Variants in DGKB observed in about 807,000 individuals in gnomAD.
DGKB encodes the protein diacylglycerol kinase beta.
In DGKB, 67 loss-of-function variants were observed where a neutral mutation model predicts 114.3. The observed-to-expected ratio is 0.59, with a 90% CI of 0.48 to 0.72. The LOEUF (loss-of-function observed/expected upper bound fraction) is 0.72. Among genes scored for constraint, DGKB ranks in the 30% least tolerant of loss-of-function variants. The pLI, the probability that DGKB is intolerant of heterozygous loss-of-function variation, is 0.00. For missense variants in DGKB, 907 were observed against 975.2 expected, an observed-to-expected ratio of 0.93 and a Z score of 0.93; for synonymous variants, 398 against 323.1, an observed-to-expected ratio of 1.23 and a Z score of -2.49.
intron 23 of DGKB, among the ~76,000 whole-genome samples, chr7:14,218,271 A>G (rs937795323): frequency 6.6e-6 from 1 of 152,108 alleles, no homozygotes; most frequent in Non-Finnish European, 1.5e-5. Context: ...CAGATCATAC[A>G]CTTGACCTCT....
chr7:14,484,464 G>A (rs370858551), intron 20 of DGKB, among the ~76,000 whole-genome samples: 37 of 152,198 alleles, frequency 2.4e-4, no homozygotes, highest in African/African-American at 8.9e-4. Flanking sequence ...CAATGGGTGA[G>A]TTCTCATGAG....
At chr7:14,269,468 T>G (rs888496218) in intron 23 of DGKB, among the ~76,000 whole-genome samples, 1 of 152,206 alleles carries the variant, frequency 6.6e-6, no homozygotes, top group African/African-American at 2.4e-5. Flanking sequence ...GAGGTGACAG[T>G]GTAACTAGTG....
intron 4 of DGKB, among the ~76,000 whole-genome samples, chr7:14,750,473 T>C (rs1474923140): frequency 1.3e-5 from 2 of 152,184 alleles, no homozygotes; most frequent in African/African-American, 2.4e-5. Context: ...TTGGGTCGTA[T>C]ACCTGAAATG....
At chr7:14,639,260 G>C (rs1811302611) in intron 13 of DGKB, among the ~76,000 whole-genome samples, 1 of 152,078 alleles carries the variant, frequency 6.6e-6, no homozygotes, top group South Asian at 2.1e-4. Flanking sequence ...AGGAAGACTA[G>C]GGATTTAGTA....
chr7:14,837,217 T>C (rs1847281122), intron 2 of DGKB, among the ~76,000 whole-genome samples: 1 of 152,350 alleles, frequency 6.6e-6, no homozygotes, highest in African/African-American at 2.4e-5. Context: ...GCTAGATACC[T>C]ATCCAAGAAT....
intron 21 of DGKB, among the ~76,000 whole-genome samples, chr7:14,408,117 A>G (rs1329322634): frequency 2.0e-5 from 3 of 152,144 alleles, no homozygotes; most frequent in Admixed American, 1.3e-4. Flanking sequence ...TGAAGAAAAA[A>G]CATGGTGGCT....
In DGKB at chr7:14,653,006, C is replaced by A. The variant is rs1488073563; in HGVS notation, c.1134+19923G>T. Among the ~76,000 whole-genome samples the A allele has an allele frequency of 5.3e-5, 8 of 151,768 alleles. No individual in the cohort carries two copies. The East Asian group carries it at 5.8e-4, about 11-fold the overall frequency. ...CAATCATTAAAAAGTCAGGAAACAACAGGTGCTGGAGTGGATGTGGAGAAA... is the reference window on the plus strand; with the variant it reads ...CAATCATTAAAAAGTCAGGAAACAAAAGGTGCTGGAGTGGATGTGGAGAAA... On this transcript the variant is annotated intron_variant, in intron 13 of 25. Transcript: ENST00000402815.
chr7:14,186,606 G>T (rs1783486317), intron 23 of DGKB, among the ~76,000 whole-genome samples: 2 of 152,154 alleles, frequency 1.3e-5, no homozygotes, highest in Non-Finnish European at 2.9e-5. Context: ...TTGCAAAATT[G>T]TGGAACCAAC....
chr7:14,329,468 T>G (rs1244190249), intron 23 of DGKB, among the ~76,000 whole-genome samples: 1 of 152,060 alleles, frequency 6.6e-6, no homozygotes, highest in Non-Finnish European at 1.5e-5. Context: ...GTAGTTTTTC[T>G]CAGTTATTAT....
At chr7:14,462,372 C>T (rs964845137) in intron 21 of DGKB, among the ~76,000 whole-genome samples, 1 of 151,994 alleles carries the variant, frequency 6.6e-6, no homozygotes, top group African/African-American at 2.4e-5. Flanking sequence ...ATCTCAGCCC[C>T]AAATCTCCTT....
At chr7:14,915,830 T>C (rs1225115741) in intron 1 of DGKB, among the ~76,000 whole-genome samples, 3 of 152,124 alleles carry the variant, frequency 2.0e-5, no homozygotes, top group African/African-American at 7.2e-5. Flanking sequence ...TTGCAGGAAA[T>C]GTTAAAACAA....
At chr7:14,525,005 C>A (rs1790418038) in intron 20 of DGKB, among the ~76,000 whole-genome samples, 2 of 152,004 alleles carry the variant, frequency 1.3e-5, no homozygotes, top group Non-Finnish European at 2.9e-5. Context: ...CACTGTTGAT[C>A]ATGATTGAAG....
Position 14,647,335 on chromosome 7 carries a change from AAACAACAAC to A in DGKB, c.1135-17076_1135-17068del, listed in dbSNP as rs940990701. Among the ~76,000 whole-genome samples the A allele has an allele frequency of 3.3e-5, 5 of 152,002 alleles. No individual in the cohort carries two copies. In the East Asian group the frequency reaches 5.8e-4, roughly 18 times the overall value. On this transcript the variant is annotated intron_variant, in intron 13 of 25. Transcript: ENST00000402815. ...AGAAATAAAAAGTCTCCCAAAAAGA[AAACAACAAC>A]AACAACAACAACAACAAGGCCCAGG...
intron 23 of DGKB, among the ~76,000 whole-genome samples, chr7:14,221,001 C>T (rs2128323031): frequency 6.6e-6 from 1 of 151,056 alleles, no homozygotes; most frequent in South Asian, 2.1e-4. Context: ...ACAATTGATT[C>T]CTACCTATTG....
chr7:14,208,913 ACTTT>A (rs1463640015), intron 23 of DGKB, among the ~76,000 whole-genome samples: 1 of 148,274 alleles, frequency 6.7e-6, no homozygotes, highest in African/African-American at 2.5e-5. Flanking sequence ...TATCCTTTTT[ACTTT>A]CTTCCTTTTG....
chr7:14,702,698 G>A (rs1374083903), intron 6 of DGKB, among the ~76,000 whole-genome samples: 2 of 152,162 alleles, frequency 1.3e-5, no homozygotes, highest in Non-Finnish European at 2.9e-5. Flanking sequence ...TGATCTTGAT[G>A]TCTGAAGTCT....
In DGKB at chr7:14,174,048, A is replaced by T. The variant is rs1046845099; in HGVS notation, c.2304+2791T>A. 2.0e-5 allele frequency among the ~76,000 whole-genome samples: 3 copies of T among 152,228 alleles called. No individual in the cohort carries two copies. The South Asian group carries it at 6.2e-4, about 31-fold the overall frequency. ...CTTAAATTATTCTAACACATTAATT[A>T]AATTTCAATAGGCAGACATTTTCAA... On this transcript the variant is annotated intron_variant, in intron 25 of 25. Transcript: ENST00000402815.
chr7:14,609,824 C>G (rs143210862), intron 16 of DGKB, among the ~76,000 whole-genome samples: 2 of 152,094 alleles, frequency 1.3e-5, no homozygotes, highest in African/African-American at 4.8e-5. Context: ...CAATAAAACA[C>G]CATCTCACGC....
intron 21 of DGKB, among the ~76,000 whole-genome samples, chr7:14,464,503 A>C (rs2128875311): frequency 6.6e-6 from 1 of 152,338 alleles, no homozygotes; most frequent in South Asian, 2.1e-4. Flanking sequence ...ATGACATCAC[A>C]GTGACTACTA....
Sources: gnomAD v4.1 joint callset for allele counts (sites outside exome capture counted in the v4.1 genomes callset) on GRCh38, gnomAD v4.1.1 for gene constraint, MANE v1.5 for transcripts, NCBI Gene and HGNC (gene_info 2026-07-23, HGNC 2026-07-21) for gene names.